POU2F1: variants seen among roughly 807,000 people sequenced by gnomAD.
The protein encoded by POU2F1 is POU domain, class 2, transcription factor 1.
POU2F1 carries 16 observed loss-of-function variants against 84.9 expected under a neutral mutation model. That is an observed-to-expected ratio of 0.19 (90% CI 0.13 to 0.29). The LOEUF is 0.29. POU2F1 is among the 10% of genes least tolerant of loss of function. The probability of loss-of-function intolerance (pLI) is 1.00; values close to 1 mark genes in which losing one functional copy is unlikely to be tolerated. For synonymous variants in POU2F1, 368 were observed against 368.3 expected, an observed-to-expected ratio of 1.00 and a Z score of 0.01; for missense variants, 738 against 942.6, an observed-to-expected ratio of 0.78 and a Z score of 2.84.
intron 1 of POU2F1, among the ~76,000 whole-genome samples, chr1:167,247,495 T>G (rs1040861065): frequency 2.0e-5 from 3 of 152,210 alleles, no homozygotes; most frequent in Non-Finnish European, 2.9e-5. Flanking sequence ...ATCCAAAGCT[T>G]CTTTTTGTTG....
chr1:167,282,391 G>A (rs1268691081), intron 1 of POU2F1, among the ~76,000 whole-genome samples: 1 of 152,102 alleles, frequency 6.6e-6, no homozygotes, highest in East Asian at 1.9e-4. Flanking sequence ...TAATCCGCCC[G>A]CCTCGGCCTC....
At chr1:167,309,664 A>T (rs1041874662) in intron 1 of POU2F1, among the ~76,000 whole-genome samples, 1 of 152,070 alleles carries the variant, frequency 6.6e-6, no homozygotes, top group Non-Finnish European at 1.5e-5. Context: ...CTCTATTCTT[A>T]TTTATTTTTA....
At chr1:167,363,860 A>G (rs1422484907) in intron 2 of POU2F1, among the ~76,000 whole-genome samples, 5 of 152,364 alleles carry the variant, frequency 3.3e-5, no homozygotes, top group Non-Finnish European at 4.4e-5. Context: ...TAAGTAATAC[A>G]TCTGCCAGAA....
At chr1:167,289,676 C>T (rs1338987126) in intron 1 of POU2F1, among the ~76,000 whole-genome samples, 1 of 152,210 alleles carries the variant, frequency 6.6e-6, no homozygotes, top group Non-Finnish European at 1.5e-5. Flanking sequence ...TGATCAATCA[C>T]ACCAGATTGC....
chr1:167,383,155 C>G (rs927416750), intron 7 of POU2F1, among the ~76,000 whole-genome samples: 3 of 152,096 alleles, frequency 2.0e-5, no homozygotes, highest in African/African-American at 7.2e-5. Flanking sequence ...ATCTGAAACT[C>G]TTTACTTAAA....
chr1:167,377,393 T>C (rs1013571328), intron 7 of POU2F1, among the ~76,000 whole-genome samples: 2 of 151,972 alleles, frequency 1.3e-5, no homozygotes. Context: ...GAGACCATCC[T>C]AGCTAACACA....
chr1:167,325,630 G>T (rs1299659439), intron 1 of POU2F1, among the ~76,000 whole-genome samples: 1 of 152,058 alleles, frequency 6.6e-6, no homozygotes, highest in Non-Finnish European at 1.5e-5. Flanking sequence ...GGTGGCTCAT[G>T]CCTGTAATCC....
chr1:167,382,337 A>T (rs1320113177), intron 7 of POU2F1, among the ~76,000 whole-genome samples: 1 of 152,208 alleles, frequency 6.6e-6, no homozygotes. Context: ...AGAGGTTACC[A>T]CACCTAGAAT....
intron 1 of POU2F1, among the ~76,000 whole-genome samples, chr1:167,301,978 G>T (rs1031563171): frequency 5.9e-5 from 9 of 152,034 alleles, no homozygotes; most frequent in African/African-American, 2.2e-4. Context: ...ATCACTGTTA[G>T]CTATGGTAGA....
At position 167,420,849 on chromosome 1, in the gene POU2F1, T is replaced by C. The variant is rs1019434648; in HGVS notation, c.*5039T>C. 14 of 152,152 alleles carry C rather than the reference T, an allele frequency of 9.2e-5. No homozygotes were observed. The highest frequency in any genetic ancestry group is 1.9e-4 in the Non-Finnish European group (13 of 68,008). 9.4% of individuals were successfully genotyped at this position (152,152 alleles called of 1,614,324 possible). ...TTGAGGAAGGGCCCCAACAATTCATTTGGAGAGCTTGGCCAAATACTTTCT... is the reference window on the plus strand; with the variant it reads ...TTGAGGAAGGGCCCCAACAATTCATCTGGAGAGCTTGGCCAAATACTTTCT... On this transcript the variant is annotated 3_prime_UTR_variant, in exon 16 of 16. Transcript: ENST00000367866.
intron 9 of POU2F1, among the ~76,000 whole-genome samples, chr1:167,394,738 C>T (rs954225148): frequency 1.3e-5 from 2 of 152,172 alleles, no homozygotes; most frequent in Non-Finnish European, 2.9e-5. Flanking sequence ...TTCAGGTATT[C>T]TGGGTGCCTC....
intron 1 of POU2F1, among the ~76,000 whole-genome samples, chr1:167,267,204 G>T (rs376718136): frequency 2.0e-5 from 3 of 151,682 alleles, no homozygotes; most frequent in Non-Finnish European, 4.4e-5. Flanking sequence ...AAATGGGGTG[G>T]GGGGAAGGAA....
chr1:167,249,683 GGAGTAAAA>G (rs1650581619), intron 1 of POU2F1, among the ~76,000 whole-genome samples: 1 of 152,166 alleles, frequency 6.6e-6, no homozygotes, highest in Non-Finnish European at 1.5e-5. Context: ...CTCTTTAATG[GGAGTAAAA>G]GAGCCAGAGG....
chr1:167,363,562 A>G (rs947584069), intron 2 of POU2F1, among the ~76,000 whole-genome samples: 4 of 152,228 alleles, frequency 2.6e-5, no homozygotes, highest in Non-Finnish European at 4.4e-5. Context: ...TTACTTGACT[A>G]GAATGTCTCG....
chr1:167,390,872 A>G (rs1192089620), intron 9 of POU2F1, among the ~76,000 whole-genome samples: 1 of 152,254 alleles, frequency 6.6e-6, no homozygotes, highest in Admixed American at 6.5e-5. Context: ...ATGCAAGCAC[A>G]GGCACGCATA....
intron 2 of POU2F1, among the ~76,000 whole-genome samples, chr1:167,348,511 A>T (rs752208556): frequency 6.6e-6 from 1 of 152,190 alleles, no homozygotes; most frequent in African/African-American, 2.4e-5. Context: ...TTTCTTCTTT[A>T]AAAAAATTAC....
intron 1 of POU2F1, among the ~76,000 whole-genome samples, chr1:167,312,290 A>AG (rs1019624736): frequency 1.3e-5 from 2 of 150,810 alleles, no homozygotes; most frequent in African/African-American, 4.9e-5. Flanking sequence ...GCTGGAGTAC[A>AG]GTGGCACGAT....
At chr1:167,375,507 G>T (rs915986814) in intron 6 of POU2F1, among the ~76,000 whole-genome samples, 2 of 152,168 alleles carry the variant, frequency 1.3e-5, no homozygotes, top group Middle Eastern at 3.4e-3. Flanking sequence ...GCTATTTTTG[G>T]TTTTAAAAAA....
At chr1:167,335,004 A>G (rs1388339992) in intron 2 of POU2F1, among the ~76,000 whole-genome samples, 1 of 152,180 alleles carries the variant, frequency 6.6e-6, no homozygotes, top group African/African-American at 2.4e-5. Flanking sequence ...ATGATATTGT[A>G]AAATTATTTT....
Sources: gnomAD v4.1 joint callset for allele counts (sites outside exome capture counted in the v4.1 genomes callset) on GRCh38, gnomAD v4.1.1 for gene constraint, MANE v1.5 for transcripts, NCBI Gene and HGNC (gene_info 2026-07-23, HGNC 2026-07-21) for gene names.